The following SYTL5 variants were observed in gnomAD, a reference collection of about 807,000 sequenced individuals.
SYTL5 encodes the protein synaptotagmin like 5.
In SYTL5, 34 loss-of-function variants were observed where a neutral mutation model predicts 55.9. That is an observed-to-expected ratio of 0.61 (90% CI 0.46 to 0.81). The LOEUF (loss-of-function observed/expected upper bound fraction) is 0.81, where lower values mean the gene tolerates loss of function less well. SYTL5 is among the 30% of genes least tolerant of loss of function. The pLI is 0.00. For missense variants in SYTL5, 637 were observed against 546.7 expected, an observed-to-expected ratio of 1.17 and a Z score of -1.65; for synonymous variants, 221 against 188.7, an observed-to-expected ratio of 1.17 and a Z score of -1.40.
At chrX:38,088,608 G>C (rs1171843114) in intron 6 of SYTL5, among the ~76,000 whole-genome samples, 2 of 112,413 alleles carry the variant, frequency 1.8e-5, no homozygotes, top group Non-Finnish European at 3.8e-5. Context: ...TTATTGGATT[G>C]AATTGAATAG....
At chrX:37,915,124 G>A in the SYTL5 span, among the ~76,000 whole-genome samples, 1 of 111,632 alleles carries the variant, frequency 9.0e-6, no homozygotes, top group Admixed American at 9.5e-5. Context: ...CAGCACACAG[G>A]GGCTACGTTC....
intron 2 of SYTL5, among the ~76,000 whole-genome samples, chrX:38,049,655 G>A (rs149159744): frequency 0.038 from 4,288 of 111,710 alleles, 134 homozygotes; most frequent in African/African-American, 0.099. Flanking sequence ...CCAGCATTTA[G>A]TATCATGACA....
At chrX:38,078,159 C>T (rs1032667500) in intron 6 of SYTL5, among the ~76,000 whole-genome samples, 1 of 112,175 alleles carries the variant, frequency 8.9e-6, no homozygotes, top group African/African-American at 3.2e-5. Context: ...TGCTCAGCCT[C>T]CTGGGACTCC....
chrX:38,062,929 A>G (rs1935995906), intron 3 of SYTL5, among the ~76,000 whole-genome samples: 1 of 111,487 alleles, frequency 9.0e-6, no homozygotes, highest in Non-Finnish European at 1.9e-5. Context: ...CAAGATACCA[A>G]TGTTAGAATT....
chrX:37,917,323 T>C, the SYTL5 span, among the ~76,000 whole-genome samples: 1 of 111,874 alleles, frequency 8.9e-6, no homozygotes, highest in African/African-American at 3.2e-5. Flanking sequence ...TTCTGCCCTT[T>C]AAGATTTGTC....
the SYTL5 span, among the ~76,000 whole-genome samples, chrX:37,948,818 C>T: frequency 0.012 from 1,316 of 111,507 alleles, 20 homozygotes; most frequent in Middle Eastern, 0.051. Context: ...TTATGTACCA[C>T]ATTTTTTAAA....
At chrX:38,068,216 C>T (rs1348671511) in intron 3 of SYTL5, among the ~76,000 whole-genome samples, 1 of 111,506 alleles carries the variant, frequency 9.0e-6, no homozygotes, top group East Asian at 2.8e-4. Context: ...AAATCAGAAG[C>T]ACAATGAAAT....
At chrX:38,047,545 T>G (rs73632444) in intron 2 of SYTL5, among the ~76,000 whole-genome samples, 6,068 of 112,431 alleles carry the variant, frequency 0.054, 150 homozygotes, top group Middle Eastern at 0.11. Flanking sequence ...CCTTTTTTTG[T>G]TCCAGGCCTG....
chrX:37,993,815 A>AT, the SYTL5 span, among the ~76,000 whole-genome samples: 1 of 112,533 alleles, frequency 8.9e-6, no homozygotes, highest in Non-Finnish European at 1.9e-5. Flanking sequence ...CATTGACACA[A>AT]TTTTTTGCTA....
the SYTL5 span, among the ~76,000 whole-genome samples, chrX:37,899,042 G>A: frequency 1.8e-5 from 2 of 111,710 alleles, no homozygotes; most frequent in African/African-American, 6.5e-5. Flanking sequence ...ACTTTGGTTT[G>A]CAGTAAGAAT....
chrX:38,025,176 C>G (rs1373483052), intron 1 of SYTL5, among the ~76,000 whole-genome samples: 1 of 112,196 alleles, frequency 8.9e-6, no homozygotes, highest in African/African-American at 3.2e-5. Flanking sequence ...GCATCCTAAA[C>G]ATCTCTGTAA....
the SYTL5 span, among the ~76,000 whole-genome samples, chrX:37,919,886 G>A: frequency 8.9e-6 from 1 of 111,851 alleles, no homozygotes; most frequent in African/African-American, 3.2e-5. Flanking sequence ...GTATTTTAAG[G>A]GGTGCTTTTA....
the SYTL5 span, among the ~76,000 whole-genome samples, chrX:37,971,580 T>C: frequency 2.7e-5 from 3 of 111,186 alleles, no homozygotes; most frequent in Admixed American, 1.9e-4. Flanking sequence ...TGGCAGTGGT[T>C]TTTATCTCAG....
chrX:37,893,692 A>T, the SYTL5 span, among the ~76,000 whole-genome samples: 260 of 62,699 alleles, frequency 4.1e-3, 2 homozygotes, highest in African/African-American at 0.029. Flanking sequence ...TAAACTATAG[A>T]TTATATATAA....
chrX:37,990,581 T>C, the SYTL5 span, among the ~76,000 whole-genome samples: 3 of 112,108 alleles, frequency 2.7e-5, no homozygotes, highest in Non-Finnish European at 5.6e-5. Context: ...AGAGTTATAG[T>C]TCCCTCAAAA....
the SYTL5 span, among the ~76,000 whole-genome samples, chrX:37,931,195 T>C: frequency 8.9e-6 from 1 of 112,185 alleles, no homozygotes; most frequent in African/African-American, 3.2e-5. Context: ...TGGTATTTAA[T>C]GGTTTTGCAA....
chrX:37,956,914 A>G, the SYTL5 span, among the ~76,000 whole-genome samples: 1 of 111,979 alleles, frequency 8.9e-6, no homozygotes, highest in Non-Finnish European at 1.9e-5. Flanking sequence ...CTAACACTGT[A>G]CCAGGGTTGC....
chrX:37,984,388 T>C, the SYTL5 span, among the ~76,000 whole-genome samples: 11 of 111,234 alleles, frequency 9.9e-5, no homozygotes, highest in Admixed American at 2.9e-4. Flanking sequence ...TTAGATAAAA[T>C]GGACAAATTA....
intron 13 of SYTL5, among the ~76,000 whole-genome samples, chrX:38,113,286 T>G (rs890163003): frequency 8.9e-6 from 1 of 112,466 alleles, no homozygotes; most frequent in African/African-American, 3.2e-5. Flanking sequence ...TGTACTATTA[T>G]AAAAACAAGG....
Sources: gnomAD v4.1 joint callset for allele counts (sites outside exome capture counted in the v4.1 genomes callset) on GRCh38, gnomAD v4.1.1 for gene constraint, MANE v1.5 for transcripts, NCBI Gene and HGNC (gene_info 2026-07-23, HGNC 2026-07-21) for gene names.